The following ENG variants were observed in gnomAD, a reference collection of about 807,000 sequenced individuals.
ENG encodes CD105 antigen.
A neutral mutation model predicts 71.0 loss-of-function variants in ENG; 17 were observed. That is an observed-to-expected ratio of 0.24 (90% CI 0.16 to 0.36). The LOEUF is 0.36. ENG is among the 10% of genes least tolerant of loss of function. The pLI is 1.00. For synonymous variants in ENG, 360 were observed against 366.9 expected (o/e 0.98, Z 0.21); for missense variants, 749 against 868.3 (o/e 0.86, Z 1.73).
intron 8 of ENG, among the ~76,000 whole-genome samples, chr9:127,821,880 TAAAA>T (rs34166162): frequency 8.1e-4 from 43 of 53,040 alleles, no homozygotes; most frequent in African/African-American, 2.9e-3. Context: ...GAGACTGTCT[TAAAA>T]AAAAAAAAAA....
intron 1 of ENG, 26 bp downstream of exon 1, chr9:127,854,263 C>A (rs759724176): frequency 1.3e-6 from 2 of 1,566,916 alleles, no homozygotes; most frequent in Non-Finnish European, 1.7e-6. Context: ...GCCGAGTCTC[C>A]CCACCCTGGG....
In ENG at chr9:127,818,758, C is replaced by T; in HGVS notation, c.1386G>A (p.Gln462=). Residue 462 remains glutamine, a synonymous_variant, in exon 11 of 15, where the codon CAG becomes CAA. Coordinates refer to ENST00000373203, the MANE Select transcript of ENG (RefSeq NM_001114753.3). ...LGLYLSPHFL[Q]ASNTIEPGQQ... ...GCCCCGGCTCGATGGTGTTGGAGGC[C>T]TGGAGGAAGTGTGGGCTGAGGTAGA... is the stretch of plus-strand genomic sequence containing the variant. 6.2e-7 allele frequency: 1 copy of T among 1,614,066 alleles called. No homozygotes were observed. Among genetic ancestry groups the T allele is most frequent in the South Asian group, 1.1e-5 (1 of 91,076 alleles).
chr9:127,842,985 C>G, intron 2 of ENG, 109 bp downstream of exon 2: 1 of 1,543,456 alleles, frequency 6.5e-7, no homozygotes, highest in Non-Finnish European at 8.9e-7. Flanking sequence ...GGGGGCCTAA[C>G]GAGGACTCAG....
chr9:127,817,125 C>A (rs372091510), intron 13 of ENG, 24 bp downstream of exon 13: 2 of 1,613,978 alleles, frequency 1.2e-6, no homozygotes, highest in African/African-American at 2.7e-5. Flanking sequence ...TAGAACAAAC[C>A]CGAGAGACCT....
chr9:127,818,831 T>C lies in ENG; in HGVS notation c.1313A>G (p.Lys438Arg), dbSNP rs755962839. 6.2e-7 allele frequency: 1 copy of C among 1,613,814 alleles called. No homozygotes were observed. Among genetic ancestry groups the C allele is most frequent in the African/African-American group, 1.3e-5 (1 of 74,926 alleles). ...GTCCATGTTGAGGCAGTGCACCTTT[T>C]TCTGGGGGAGGACGGGAGGGAGACT... ...NILSSSSPQR[K>R]KVHCLNMDSL... The change falls in exon 11 of 15, where the codon AAA becomes AGA. Residue 438 changes from lysine to arginine, a missense_variant and splice_region_variant. Physicochemically the swap from Lys to Arg is conservative, Grantham distance 26. Transcript: ENST00000373203.
At chr9:127,843,875 G>T (rs1174659133) in intron 1 of ENG, among the ~76,000 whole-genome samples, 2 of 140,056 alleles carry the variant, frequency 1.4e-5, no homozygotes, top group African/African-American at 5.5e-5. Context: ...GGGTTCAAAT[G>T]ATTCTCCTGC....
intron 2 of ENG, among the ~76,000 whole-genome samples, chr9:127,842,659 G>A (rs956288714): frequency 6.6e-5 from 10 of 152,070 alleles, no homozygotes; most frequent in East Asian, 1.9e-4. Context: ...TCCTGACCTC[G>A]TGATCTACCC....
chr9:127,844,725 G>A (rs1335747846), intron 1 of ENG, among the ~76,000 whole-genome samples: 6 of 152,332 alleles, frequency 3.9e-5, no homozygotes, highest in East Asian at 1.9e-4. Context: ...CACCACACCC[G>A]GCTGATTTTC....
At chr9:127,819,316 C>T in intron 10 of ENG, 1 of 420,484 alleles carries the variant, frequency 2.4e-6, no homozygotes, top group Non-Finnish European at 4.5e-6. Flanking sequence ...CACAGCACCT[C>T]ATTGGCTGCC....
chr9:127,827,626 G>A (rs1006507201), intron 3 of ENG, among the ~76,000 whole-genome samples: 6 of 152,176 alleles, frequency 3.9e-5, no homozygotes, highest in Admixed American at 3.9e-4. Flanking sequence ...AAGGGCAAAA[G>A]GGCTTCGGGT....
chr9:127,816,446 C>T, intron 13 of ENG: 1 of 357,232 alleles, frequency 2.8e-6, no homozygotes, highest in Non-Finnish European at 5.4e-6. Flanking sequence ...AGAGAATGGG[C>T]CAGAGCAGCT....
chr9:127,833,518 G>A (rs1323847053), intron 2 of ENG, among the ~76,000 whole-genome samples: 9 of 68,588 alleles, frequency 1.3e-4, no homozygotes, highest in Admixed American at 9.1e-4. Flanking sequence ...GTGAAACTCC[G>A]CCTCAAAAAA....
In ENG at chr9:127,825,968, T is replaced by C; in HGVS notation, c.524-108A>G. On this transcript the variant is annotated intron_variant, in intron 4 of 14. Transcript: ENST00000373203. The stretch of plus-strand genomic sequence containing the variant: ...AGTGGTGGGGCAGGCAGGACGGTGC[T>C]GCAGAGGGGGAGAGGCGTCAGAGGA... 2 of 1,430,084 alleles carry C rather than the reference T, an allele frequency of 1.4e-6. 1 individual carries two copies. Among genetic ancestry groups the C allele is most frequent in the South Asian group, 2.5e-5 (2 of 80,972 alleles). 88.6% of individuals were successfully genotyped at this position (1,430,084 alleles called of 1,614,324 possible). A position where few individuals can be genotyped will look rare whatever the true frequency, so the allele number is the denominator to read the frequency against.
intron 8 of ENG, among the ~76,000 whole-genome samples, chr9:127,824,013 T>C (rs941370375): frequency 6.6e-6 from 1 of 152,102 alleles, no homozygotes; most frequent in African/African-American, 2.4e-5. Flanking sequence ...ACCAGCCAGC[T>C]CAGGGAGCAT....
At chr9:127,839,658 C>T (rs578097126) in intron 2 of ENG, among the ~76,000 whole-genome samples, 3 of 152,256 alleles carry the variant, frequency 2.0e-5, no homozygotes, top group Non-Finnish European at 2.9e-5. Flanking sequence ...CGGGTTCAAA[C>T]GATTCTCTTG....
chr9:127,824,695 G>A, intron 7 of ENG, 105 bp downstream of exon 7: 1 of 1,296,150 alleles, frequency 7.7e-7, no homozygotes, highest in Admixed American at 2.9e-5. Context: ...GGCTCAGAGA[G>A]GCTGATGTAC....
rs535879835 is a variant in ENG at position 127,846,655 on chromosome 9, C to T, written c.68-3410G>A. On this transcript the variant is annotated intron_variant, in intron 1 of 14. Transcript: ENST00000373203. The surrounding 1 kb of genome is among the most constrained non-coding windows in gnomAD (Gnocchi z 5.5). Reference sequence around the variant, plus strand: ...TTTTGGGGCCTTTTCGAATCCTGGCCGCCCCCACCCCGCAGACGAGAATGG... The same window carrying T: ...TTTTGGGGCCTTTTCGAATCCTGGCTGCCCCCACCCCGCAGACGAGAATGG... 6.6e-6 allele frequency among the ~76,000 whole-genome samples: 1 copy of T among 152,096 alleles called. No individual in the cohort carries two copies. Among genetic ancestry groups the T allele is most frequent in the South Asian group, 2.1e-4 (1 of 4,822 alleles).
intron 1 of ENG, among the ~76,000 whole-genome samples, chr9:127,852,006 A>T (rs1831295792): frequency 6.6e-6 from 1 of 152,188 alleles, no homozygotes; most frequent in East Asian, 1.9e-4. Context: ...TTACTATTTT[A>T]TTGTTGCCAA....
At chr9:127,833,253 G>A (rs1056608839) in intron 2 of ENG, among the ~76,000 whole-genome samples, 2 of 152,200 alleles carry the variant, frequency 1.3e-5, no homozygotes, top group African/African-American at 4.8e-5. Flanking sequence ...CAGGCGTGGT[G>A]GCTTACGCCT....
Sources: allele counts gnomAD v4.1 joint callset (sites outside exome capture counted in the v4.1 genomes callset), GRCh38; gene constraint gnomAD v4.1.1; non-coding constraint Gnocchi (gnomAD v3.1); transcripts MANE v1.5; gene names NCBI Gene and HGNC (gene_info 2026-07-23, HGNC 2026-07-21).